Variants in DNAH5 observed in about 807,000 individuals in gnomAD.
DNAH5 encodes the protein dynein axonemal heavy chain 5.
A neutral mutation model predicts 518.2 loss-of-function variants in DNAH5; 372 were observed. The ratio of observed to expected loss-of-function variants is 0.72; its 90% CI spans 0.66 to 0.78. The LOEUF (loss-of-function observed/expected upper bound fraction) is 0.78. Among genes scored for constraint, DNAH5 ranks in the 30% least tolerant of loss-of-function variants. The probability of loss-of-function intolerance (pLI) is 0.00; values close to 1 mark genes in which losing one functional copy is unlikely to be tolerated. For synonymous variants in DNAH5, 2,039 were observed against 2,025.9 expected (o/e 1.01, Z -0.17); for missense variants, 5,523 against 5,687.0 (o/e 0.97, Z 0.93).
At chr5:13,782,082 A>C (rs1380889022) in intron 52 of DNAH5, among the ~76,000 whole-genome samples, 2 of 152,052 alleles carry the variant, frequency 1.3e-5, no homozygotes, top group Non-Finnish European at 2.9e-5. Context: ...TGTTCTTTAT[A>C]CCTTATGCAA....
chr5:13,882,642 G>A, intron 21 of DNAH5, 86 bp downstream of exon 21: 3 of 1,026,010 alleles, frequency 2.9e-6, no homozygotes, highest in Non-Finnish European at 4.5e-6. Context: ...AATAAATTGA[G>A]AATTACATGG....
At chr5:13,896,863 T>G (rs1004799339) in intron 15 of DNAH5, 1 of 152,226 alleles carries the variant, frequency 6.6e-6, no homozygotes, top group Non-Finnish European at 1.5e-5. Context: ...AACTTTAATG[T>G]GCCCCATAAA....
At chr5:13,908,226 G>C (rs1775584308) in intron 12 of DNAH5, among the ~76,000 whole-genome samples, 3 of 152,220 alleles carry the variant, frequency 2.0e-5, no homozygotes, top group South Asian at 4.2e-4. Context: ...CTCCTGCTAA[G>C]TCCACATCCT....
intron 17 of DNAH5, among the ~76,000 whole-genome samples, chr5:13,888,351 T>C (rs1174706193): frequency 6.6e-6 from 1 of 152,184 alleles, no homozygotes; most frequent in Non-Finnish European, 1.5e-5. Flanking sequence ...CTCAGGGCCT[T>C]TGCACATGCT....
intron 71 of DNAH5, among the ~76,000 whole-genome samples, chr5:13,720,372 G>A (rs1744881057): frequency 6.6e-6 from 1 of 152,144 alleles, no homozygotes; most frequent in African/African-American, 2.4e-5. Flanking sequence ...AGTGAACCCT[G>A]ACCTGAGTTT....
intron 76 of DNAH5, among the ~76,000 whole-genome samples, chr5:13,702,794 T>C (rs973480371): frequency 5.9e-5 from 9 of 152,176 alleles, no homozygotes; most frequent in African/African-American, 1.7e-4. Flanking sequence ...CTACTCACTA[T>C]ATGCTGCCTG....
At chr5:13,934,712 C>T (rs933511534) in intron 1 of DNAH5, among the ~76,000 whole-genome samples, 2 of 152,122 alleles carry the variant, frequency 1.3e-5, no homozygotes, top group Non-Finnish European at 2.9e-5. Context: ...TATTGCTACA[C>T]CTATGTAATT....
At chr5:13,809,235 C>T (rs770469376) in intron 45 of DNAH5, 49 bp from the exon 46 acceptor site, 31 of 1,607,010 alleles carry the variant, frequency 1.9e-5, no homozygotes, top group Admixed American at 1.7e-4. Context: ...AATTCAACTC[C>T]GAACTGTAAT....
At chr5:13,733,401 G>A (rs753055302) in intron 68 of DNAH5, among the ~76,000 whole-genome samples, 1 of 152,136 alleles carries the variant, frequency 6.6e-6, no homozygotes, top group African/African-American at 2.4e-5. Context: ...AGTTGAGAAC[G>A]ACAGGAACAA....
At chr5:13,931,368 G>A (rs1778404743) in intron 1 of DNAH5, 124 bp from the exon 2 acceptor site, 1 of 1,048,052 alleles carries the variant, frequency 9.5e-7, no homozygotes, top group Non-Finnish European at 1.4e-6. Flanking sequence ...ACAGCTTAAT[G>A]GTACCAATTT....
At chr5:13,773,872 G>A (rs1316747138) in intron 55 of DNAH5, among the ~76,000 whole-genome samples, 1 of 151,880 alleles carries the variant, frequency 6.6e-6, no homozygotes, top group African/African-American at 2.4e-5. Context: ...GGAGGAGTGG[G>A]TGGGGAGAAA....
rs2126606748 is a variant in DNAH5 at position 13,735,177 on chromosome 5, G to A, written c.11715C>T (p.Ile3905=). The part of the protein sequence containing the change: ...FTLLLTLKID[I]QRNRVKHEEF... ...CTTCATGCTTGACTCGGTTCCTCTG[G>A]ATGTCAATCTTTAGGGTAAGCAACA... Residue 3905 remains isoleucine (I), a synonymous_variant, in exon 68 of 79, where the codon ATC becomes ATT. Coordinates refer to ENST00000265104, the MANE Select transcript of DNAH5 (RefSeq NM_001369.3). The A allele has an allele frequency of 1.2e-6, 2 of 1,614,030 alleles. No individual in the cohort carries two copies. The highest frequency in any genetic ancestry group is 2.2e-5 in the South Asian group (2 of 91,070).
intron 47 of DNAH5, among the ~76,000 whole-genome samples, chr5:13,798,191 C>G (rs1281859736): frequency 6.6e-6 from 1 of 152,006 alleles, no homozygotes; most frequent in Non-Finnish European, 1.5e-5. Context: ...TATCCTAGAA[C>G]AACTTAAAGT....
In DNAH5 at chr5:13,811,781, G is replaced by A. The variant is rs376707969; in HGVS notation, c.7273C>T (p.Arg2425Cys). 7.4e-6 allele frequency: 12 copies of A among 1,614,056 alleles called. No individual in the cohort carries two copies. The highest frequency in any genetic ancestry group is 2.7e-5 in the African/African-American group (2 of 74,930). ...KRSPQEAEIL[R>C]QLYTESFPDL... The stretch of plus-strand genomic sequence containing the variant: ...GGGAAAGACTCGGTGTACAGCTGAC[G>A]AAGAATTTCTGCTTCTTGAGGTGAG... The change falls in exon 44 of 79, where the codon CGT becomes TGT. Residue 2425 changes from arginine (R) to cysteine (C), a missense_variant. This residue lies in a region of DNAH5 where 5,121 missense variants were observed against 5,223.3 expected (regional missense o/e 0.98). Coordinates refer to ENST00000265104, the MANE Select transcript of DNAH5 (RefSeq NM_001369.3).
intron 47 of DNAH5, among the ~76,000 whole-genome samples, chr5:13,801,728 C>T (rs577093404): frequency 1.2e-3 from 189 of 152,258 alleles, no homozygotes; most frequent in African/African-American, 4.4e-3. Flanking sequence ...GGGGGTTCCT[C>T]GTCAGTGACT....
rs776143814 is a variant in DNAH5 at position 13,824,383 on chromosome 5, C to T, written c.6445-50G>A. 9 of 1,568,948 alleles carry T rather than the reference C, an allele frequency of 5.7e-6. No individual in the cohort carries two copies. The East Asian group carries it at 9.0e-5, about 16-fold the overall frequency. On this transcript the variant is annotated intron_variant, in intron 38 of 78. Transcript: ENST00000265104. Reference sequence around the variant, plus strand: ...CTTATTTTCAACATTAAAATACTTGCAGAAGCCATATGAATCTGACAGAAA... The same window carrying T: ...CTTATTTTCAACATTAAAATACTTGTAGAAGCCATATGAATCTGACAGAAA...
chr5:13,758,069 C>A (rs1439781867), intron 61 of DNAH5, among the ~76,000 whole-genome samples: 4 of 149,950 alleles, frequency 2.7e-5, no homozygotes, highest in Non-Finnish European at 4.4e-5. Context: ...CTAGAGAGAC[C>A]ACTTTGTAAA....
chr5:13,910,585 G>A (rs1305875476), intron 12 of DNAH5, among the ~76,000 whole-genome samples: 2 of 152,172 alleles, frequency 1.3e-5, no homozygotes, highest in African/African-American at 4.8e-5. Context: ...GCACCTCACT[G>A]GGATGAGAAA....
At chr5:13,987,451 T>TA (rs1256464052) in intron 1 of DNAH5, among the ~76,000 whole-genome samples, 1 of 152,004 alleles carries the variant, frequency 6.6e-6, no homozygotes, top group Non-Finnish European at 1.5e-5. Context: ...TTTAGCCACA[T>TA]AACACTAATC....
Sources: allele counts gnomAD v4.1 joint callset (sites outside exome capture counted in the v4.1 genomes callset), GRCh38; gene constraint gnomAD v4.1.1; regional missense constraint gnomAD v4.1.1; transcripts MANE v1.5; gene names NCBI Gene and HGNC (gene_info 2026-07-23, HGNC 2026-07-21).